LRP1B: variants seen among roughly 807,000 people sequenced by gnomAD.
The protein encoded by LRP1B is LDL receptor related protein 1B.
Under a neutral mutation model 556.6 loss-of-function variants are expected in LRP1B, and 217 were observed. That is an observed-to-expected ratio of 0.39 (90% CI 0.35 to 0.44). The LOEUF (loss-of-function observed/expected upper bound fraction) is 0.44. Ranked by LOEUF, LRP1B falls within the 20% of genes least tolerant of loss-of-function variation. The pLI, the probability that LRP1B is intolerant of heterozygous loss-of-function variation, is 1.00. For missense variants in LRP1B, 5,053 were observed against 5,620.8 expected (o/e 0.90, Z 3.23); for synonymous variants, 2,047 against 1,865.8 (o/e 1.10, Z -2.50).
At chr2:141,001,885 A>G (rs1319357163) in intron 15 of LRP1B, among the ~76,000 whole-genome samples, 1 of 152,132 alleles carries the variant, frequency 6.6e-6, no homozygotes, top group Admixed American at 6.6e-5. Context: ...CAGGAAAACA[A>G]CTTTAAAAGA....
At chr2:141,769,675 G>A (rs1479808331) in intron 2 of LRP1B, among the ~76,000 whole-genome samples, 4 of 152,166 alleles carry the variant, frequency 2.6e-5, no homozygotes, top group East Asian at 3.9e-4. Context: ...CTTCTACACC[G>A]AATCTTAGAA....
intron 24 of LRP1B, among the ~76,000 whole-genome samples, chr2:140,884,464 C>T (rs1306398629): frequency 6.6e-6 from 1 of 152,162 alleles, no homozygotes; most frequent in East Asian, 1.9e-4. Context: ...AAGATGCATT[C>T]TGGCTAATCA....
chr2:141,043,206 A>T (rs887656709), intron 11 of LRP1B, among the ~76,000 whole-genome samples: 2 of 18,650 alleles, frequency 1.1e-4, no homozygotes, highest in Non-Finnish European at 2.2e-4. Context: ...CTGTCTCAAA[A>T]AAAATAAAAT....
At chr2:141,078,888 T>C (rs1013710958) in intron 7 of LRP1B, among the ~76,000 whole-genome samples, 63 of 152,298 alleles carry the variant, frequency 4.1e-4, no homozygotes, top group African/African-American at 1.5e-3. Context: ...TATATTACCA[T>C]GATAAATTCT....
At chr2:141,186,887 T>G (rs1049873878) in intron 7 of LRP1B, among the ~76,000 whole-genome samples, 1 of 152,048 alleles carries the variant, frequency 6.6e-6, no homozygotes, top group Admixed American at 6.6e-5. Context: ...GGATCTTTGT[T>G]TTTAAGAATG....
At chr2:140,920,675 T>C (rs777233474) in intron 21 of LRP1B, among the ~76,000 whole-genome samples, 1 of 152,044 alleles carries the variant, frequency 6.6e-6, no homozygotes, top group Non-Finnish European at 1.5e-5. Context: ...GTGCAACTCT[T>C]CTGAAGTTGA....
intron 2 of LRP1B, among the ~76,000 whole-genome samples, chr2:141,644,785 A>ACAAC (rs1553441243): frequency 6.8e-6 from 1 of 147,830 alleles, no homozygotes; most frequent in Admixed American, 6.8e-5. Context: ...ACACACACAC[A>ACAAC]ACACACACAC....
At chr2:140,658,823 T>C (rs1012409912) in intron 41 of LRP1B, among the ~76,000 whole-genome samples, 2 of 152,086 alleles carry the variant, frequency 1.3e-5, no homozygotes, top group Non-Finnish European at 2.9e-5. Flanking sequence ...ATAAATCTAC[T>C]TACAGTGAGC....
chr2:141,224,162 ACAC>A (rs1683152342), intron 6 of LRP1B, among the ~76,000 whole-genome samples: 2 of 139,722 alleles, frequency 1.4e-5, no homozygotes, highest in African/African-American at 2.5e-5. Flanking sequence ...ACACACACAC[ACAC>A]AAACATTAAA....
chr2:140,773,764 G>A (rs1366620594), intron 33 of LRP1B, among the ~76,000 whole-genome samples: 2 of 151,430 alleles, frequency 1.3e-5, no homozygotes, highest in African/African-American at 4.8e-5. Context: ...GTGAAGGAGA[G>A]AAAAAGTAAA....
chr2:141,163,636 A>G (rs1680125478), intron 7 of LRP1B, among the ~76,000 whole-genome samples: 1 of 151,930 alleles, frequency 6.6e-6, no homozygotes, highest in Admixed American at 6.6e-5. Flanking sequence ...TACTGTTCTT[A>G]TGGTAGTGAA....
At chr2:141,166,577 T>A (rs1680272434) in intron 7 of LRP1B, among the ~76,000 whole-genome samples, 1 of 151,842 alleles carries the variant, frequency 6.6e-6, no homozygotes, top group African/African-American at 2.4e-5. Context: ...ATACAATAAG[T>A]CATTGTTGAC....
Position 142,048,182 on chromosome 2 carries a change from CTT to C in LRP1B, c.82+82464_82+82465del, listed in dbSNP as rs138417730. On this transcript the variant is annotated intron_variant, in intron 1 of 90. Transcript: ENST00000389484. Reference sequence around the variant, plus strand: ...GTAGGCAGCATCTGCAAAGTTTTGTCTTTTAGTTTTTTTCTGCCTTGTTGAGG... The same window carrying C: ...GTAGGCAGCATCTGCAAAGTTTTGTCTTAGTTTTTTTCTGCCTTGTTGAGG... 9.7e-3 allele frequency among the ~76,000 whole-genome samples: 1,477 copies of C among 152,084 alleles called. 14 individuals carry two copies. Among genetic ancestry groups the C allele is most frequent in the African/African-American group, 0.027 (1,139 of 41,522 alleles).
chr2:140,702,341 A>C (rs555802438), intron 38 of LRP1B, 49 bp from the exon 39 acceptor site: 1 of 1,606,076 alleles, frequency 6.2e-7, no homozygotes, highest in East Asian at 2.2e-5. Flanking sequence ...TGATTGTTTT[A>C]TTAAGAAAAT....
chr2:141,265,217 G>A (rs1283318195), intron 3 of LRP1B, among the ~76,000 whole-genome samples: 2 of 152,130 alleles, frequency 1.3e-5, no homozygotes, highest in Admixed American at 6.5e-5. Flanking sequence ...AGATACCAGC[G>A]GCTGCAGAGG....
intron 5 of LRP1B, among the ~76,000 whole-genome samples, chr2:141,241,278 C>T (rs866744157): frequency 2.6e-5 from 4 of 152,152 alleles, no homozygotes; most frequent in African/African-American, 7.2e-5. Flanking sequence ...GCTACCGGTC[C>T]GGGATTCCAA....
intron 32 of LRP1B, among the ~76,000 whole-genome samples, chr2:140,776,948 C>T (rs2104953095): frequency 6.6e-6 from 1 of 152,198 alleles, no homozygotes; most frequent in African/African-American, 2.4e-5. Flanking sequence ...ATTATTGTTT[C>T]ATTTTATAAA....
Position 141,698,274 on chromosome 2 carries a change from C to T in LRP1B, c.205+112005G>A, listed in dbSNP as rs78872251. On this transcript the variant is annotated intron_variant, in intron 2 of 90. Coordinates refer to ENST00000389484, the MANE Select transcript of LRP1B (RefSeq NM_018557.3). ...GAGCAAGGCAAAAGAAAATCCTGCTCTCGCACATCTTCCTACCGAGTAGAA... is the reference window on the plus strand; with the variant it reads ...GAGCAAGGCAAAAGAAAATCCTGCTTTCGCACATCTTCCTACCGAGTAGAA... 2.0e-3 allele frequency among the ~76,000 whole-genome samples: 301 copies of T among 151,868 alleles called. 2 individuals carry two copies. The highest frequency in any genetic ancestry group is 7.0e-3 in the African/African-American group (289 of 41,474).
chr2:141,491,514 C>T (rs1559102330), intron 2 of LRP1B, among the ~76,000 whole-genome samples: 1 of 152,068 alleles, frequency 6.6e-6, no homozygotes, highest in Non-Finnish European at 1.5e-5. Flanking sequence ...TAGCTCCTAA[C>T]TGCAATTTTG....
Sources: gnomAD v4.1 joint callset for allele counts (sites outside exome capture counted in the v4.1 genomes callset) on GRCh38, gnomAD v4.1.1 for gene constraint, MANE v1.5 for transcripts, NCBI Gene and HGNC (gene_info 2026-07-23, HGNC 2026-07-21) for gene names.